The following NLRP11 variants were observed in gnomAD, a reference collection of about 807,000 sequenced individuals.
The protein encoded by NLRP11 is NLR family pyrin domain containing 11.
NLRP11 carries 53 observed loss-of-function variants against 79.3 expected under a neutral mutation model. That is an observed-to-expected ratio of 0.67 (90% confidence interval 0.54 to 0.84). The LOEUF is 0.84. Among genes scored for constraint, NLRP11 ranks in the 40% least tolerant of loss-of-function variants. The pLI is 0.00. For missense variants in NLRP11, 1,264 were observed against 1,255.0 expected, an observed-to-expected ratio of 1.01 and a Z score of -0.11; for synonymous variants, 518 against 462.6, an observed-to-expected ratio of 1.12 and a Z score of -1.54.
intron 1 of NLRP11, among the ~76,000 whole-genome samples, chr19:55,820,405 A>G (rs2122883814): frequency 6.6e-6 from 1 of 152,272 alleles, no homozygotes; most frequent in South Asian, 2.1e-4. Context: ...AGGACAGATG[A>G]AAGGCCACCA....
At chr19:55,810,763 G>T (rs1294974862) in intron 2 of NLRP11, among the ~76,000 whole-genome samples, 1 of 152,174 alleles carries the variant, frequency 6.6e-6, no homozygotes, top group Non-Finnish European at 1.5e-5. Context: ...TTCCCAATGT[G>T]CTGGGATTAC....
Position 55,800,143 on chromosome 19 carries a change from T to C in NLRP11, c.2171+1429A>G, listed in dbSNP as rs1003919656. Among the ~76,000 whole-genome samples the C allele has an allele frequency of 7.8e-4, 119 of 152,174 alleles. 2 individuals carry two copies. Among genetic ancestry groups the C allele is most frequent in the African/African-American group, 2.5e-3 (102 of 41,506 alleles). The stretch of plus-strand genomic sequence containing the variant: ...CGTTAGAGCATGAGGTACTTGAAAT[T>C]GAGAGTACAAGCGAAATGTACTTAT... On this transcript the variant is annotated intron_variant, in intron 5 of 9. Coordinates refer to ENST00000589093, the Ensembl canonical transcript of NLRP11.
At chr19:55,789,498 T>A in intron 7 of NLRP11, 99 bp from the exon 8 acceptor site, 7 of 1,070,714 alleles carry the variant, frequency 6.5e-6, no homozygotes, top group Non-Finnish European at 9.6e-6. Context: ...GTGACATTCA[T>A]GAATAAGGGA....
intron 1 of NLRP11, among the ~76,000 whole-genome samples, chr19:55,819,319 G>C (rs991255913): frequency 2.6e-5 from 4 of 152,006 alleles, no homozygotes; most frequent in African/African-American, 9.7e-5. Context: ...ACACAAACCT[G>C]TGAAAATGCC....
In NLRP11 at chr19:55,809,095, C is replaced by A; in HGVS notation, c.1515G>T (p.Lys505Asn). ...GGTATCCAAAGGATGTCTCAAGAAT[C>A]TTTCTCCTGTTTGCATTTAGAAGAC... The change falls in exon 3 of 10, where the codon AAG becomes AAT. Residue 505 changes from lysine to asparagine, a missense_variant. By Grantham distance (94) the Lys-to-Asn change is moderately conservative (BLOSUM62 0). Transcript: ENST00000589093. This position sits in a 1 kb window ranked among gnomAD's most constrained non-coding sequence, Gnocchi z 4.5. The A allele has an allele frequency of 6.2e-7, 1 of 1,613,832 alleles. No individual in the cohort carries two copies. The highest frequency in any genetic ancestry group is 8.5e-7 in the Non-Finnish European group (1 of 1,179,938).
intron 1 of NLRP11, among the ~76,000 whole-genome samples, chr19:55,831,344 T>C (rs1982769768): frequency 6.6e-6 from 1 of 151,500 alleles, no homozygotes; most frequent in Admixed American, 6.6e-5. Context: ...GGCACATTAC[T>C]TGAGGTCAGG....
chr19:55,823,054 A>C (rs565132942), intron 1 of NLRP11, among the ~76,000 whole-genome samples: 2 of 148,948 alleles, frequency 1.3e-5, no homozygotes, highest in African/African-American at 2.5e-5. Flanking sequence ...CCCAGCACGC[A>C]GCTGGAGATC....
At chr19:55,817,096 T>C (rs905136616) in intron 2 of NLRP11, among the ~76,000 whole-genome samples, 1 of 152,118 alleles carries the variant, frequency 6.6e-6, no homozygotes, top group African/African-American at 2.4e-5. Flanking sequence ...TCAACATCGC[T>C]AATGACCAGG....
intron 6 of NLRP11, among the ~76,000 whole-genome samples, chr19:55,794,203 A>G (rs1309858434): frequency 6.6e-6 from 1 of 152,238 alleles, no homozygotes; most frequent in Non-Finnish European, 1.5e-5. Flanking sequence ...CATAAAAAAC[A>G]TCGAATGTGT....
chr19:55,830,277 T>C (rs1224790320), intron 1 of NLRP11, among the ~76,000 whole-genome samples: 2 of 152,156 alleles, frequency 1.3e-5, no homozygotes, highest in Admixed American at 1.3e-4. Flanking sequence ...GACTTCTATT[T>C]CACCATTGCC....
intron 2 of NLRP11, among the ~76,000 whole-genome samples, chr19:55,810,905 A>G (rs148182089): frequency 1.3e-5 from 2 of 152,156 alleles, no homozygotes; most frequent in African/African-American, 4.8e-5. Flanking sequence ...CTTCCCTCTC[A>G]TGTCTTGGCA....
chr19:55,810,163 C>T, exon 3 of NLRP11: 1 of 1,613,632 alleles, frequency 6.2e-7, no homozygotes, highest in Admixed American at 1.7e-5. Context: ...CCATCAGGAA[C>T]ACATTGAGAT....
intron 4 of NLRP11, among the ~76,000 whole-genome samples, chr19:55,805,558 A>C (rs906605344): frequency 6.6e-6 from 1 of 151,192 alleles, no homozygotes; most frequent in Admixed American, 6.6e-5. Context: ...TTAAATACAC[A>C]CAATGGAGTC....
intron 6 of NLRP11, among the ~76,000 whole-genome samples, chr19:55,794,542 C>T (rs781660754): frequency 2.0e-5 from 3 of 152,106 alleles, no homozygotes; most frequent in Non-Finnish European, 2.9e-5. Flanking sequence ...GGGTGGATCA[C>T]GAGGTCAGGA....
upstream of NLRP11, chr19:55,836,450 A>T (rs1983292775): frequency 6.6e-6 from 1 of 152,092 alleles, no homozygotes; most frequent in African/African-American, 2.4e-5. Context: ...GTTCATCAAA[A>T]GCCCTCTGAG....
chr19:55,815,493 C>T (rs1981023007), intron 2 of NLRP11, among the ~76,000 whole-genome samples: 1 of 136,614 alleles, frequency 7.3e-6, no homozygotes, highest in African/African-American at 2.9e-5. Flanking sequence ...TGTTCCATTG[C>T]ATTCCAGCCT....
chr19:55,835,320 T>C (rs1391470369), upstream of NLRP11, among the ~76,000 whole-genome samples: 1 of 152,224 alleles, frequency 6.6e-6, no homozygotes, highest in Admixed American at 6.5e-5. Flanking sequence ...AGGAAAACCA[T>C]GCCCAATGAT....
rs145385155 is a variant in NLRP11, at chr19:55,814,822, C to T, written c.271+3082G>A. ...CACACGGGATTCATCAAGGAAGCCACACAACCCACGGAGAACAGAAGAGTG... is the reference window on the plus strand; with the variant it reads ...CACACGGGATTCATCAAGGAAGCCATACAACCCACGGAGAACAGAAGAGTG... On this transcript the variant is annotated intron_variant, in intron 2 of 9. Coordinates refer to ENST00000589093, the Ensembl canonical transcript of NLRP11. Among the ~76,000 whole-genome samples, 818 of 152,246 alleles carry T rather than the reference C, an allele frequency of 5.4e-3. 13 individuals carry two copies. The highest frequency in any genetic ancestry group is 0.019 in the African/African-American group (772 of 41,540).
chr19:55,824,641 C>T lies in NLRP11; in HGVS notation c.-62-6405G>A, dbSNP rs1056962476. 5.2e-4 allele frequency among the ~76,000 whole-genome samples: 56 copies of T among 107,526 alleles called. 8 individuals are homozygous for T. The highest frequency in any genetic ancestry group is 9.1e-4 in the Non-Finnish European group (55 of 60,466). The allele number at this position is 107,526 out of a possible 152,430, so 70.5% of individuals were successfully genotyped here. On this transcript the variant is annotated intron_variant, in intron 1 of 9. Coordinates refer to ENST00000589093, the Ensembl canonical transcript of NLRP11. ...AGTCTCTGATAAAACAGACTTTAAA[C>T]CAACAAAGATCAAGAGACAAAGAAG...
Sources: allele counts gnomAD v4.1 joint callset (sites outside exome capture counted in the v4.1 genomes callset), GRCh38; gene constraint gnomAD v4.1.1; non-coding constraint Gnocchi (gnomAD v3.1); transcripts MANE v1.5; gene names NCBI Gene and HGNC (gene_info 2026-07-23, HGNC 2026-07-21).